ZNF485: variants seen among roughly 807,000 people sequenced by gnomAD.
The protein encoded by ZNF485 is Zinc finger protein 93 (Zinc finger protein HTF34).
Under a neutral mutation model 10.8 loss-of-function variants are expected in ZNF485, and 9 were observed. The ratio of observed to expected loss-of-function variants is 0.83; its 90% CI spans 0.50 to 1.45. ZNF485 has a LOEUF of 1.45. ZNF485 is among the 40% of genes most tolerant of loss of function. ZNF485 has a pLI of 0.00. For synonymous variants in ZNF485, 187 were observed against 181.0 expected (o/e 1.03, Z -0.27); for missense variants, 487 against 528.0 (o/e 0.92, Z 0.76).
intron 3 of ZNF485, 96 bp downstream of exon 3, chr10:43,608,836 T>C: frequency 6.7e-7 from 1 of 1,496,846 alleles, no homozygotes; most frequent in South Asian, 1.3e-5. Flanking sequence ...AAATCTTAAA[T>C]GATGTGCTTT....
intron 4 of ZNF485, among the ~76,000 whole-genome samples, chr10:43,615,381 T>C (rs999835251): frequency 2.6e-5 from 4 of 152,024 alleles, no homozygotes; most frequent in African/African-American, 9.7e-5. Context: ...AAAATTCACA[T>C]AGTACACCCA....
chr10:43,615,975 T>C (rs1466936695), intron 4 of ZNF485, among the ~76,000 whole-genome samples: 1 of 152,230 alleles, frequency 6.6e-6, no homozygotes, highest in East Asian at 1.9e-4. Flanking sequence ...ATTTTGTATT[T>C]ATTCTCACAT....
chr10:43,607,184 C>A, intron 2 of ZNF485, 110 bp downstream of exon 2: 6 of 1,344,322 alleles, frequency 4.5e-6, no homozygotes, highest in Non-Finnish European at 6.2e-6. Flanking sequence ...GCTACCCGAA[C>A]CAATCCTGGA....
At chr10:43,608,335 G>T (rs1838694483) in intron 2 of ZNF485, among the ~76,000 whole-genome samples, 1 of 152,204 alleles carries the variant, frequency 6.6e-6, no homozygotes, top group Non-Finnish European at 1.5e-5. Context: ...AGACTGAGTG[G>T]CAGAGGATGG....
intron 4 of ZNF485, among the ~76,000 whole-genome samples, chr10:43,615,478 T>A (rs1306103609): frequency 6.6e-6 from 1 of 152,146 alleles, no homozygotes; most frequent in East Asian, 1.9e-4. Flanking sequence ...CTCAGCTCAC[T>A]GCAACTTCTG....
intron 4 of ZNF485, among the ~76,000 whole-genome samples, chr10:43,609,823 C>T (rs546255469): frequency 2.2e-4 from 34 of 152,226 alleles, no homozygotes; most frequent in African/African-American, 7.0e-4. Context: ...GGACTACAGG[C>T]GTCCACCACA....
At chr10:43,611,916 AT>A (rs1160926371) in intron 4 of ZNF485, among the ~76,000 whole-genome samples, 2 of 152,006 alleles carry the variant, frequency 1.3e-5, no homozygotes, top group African/African-American at 2.4e-5. Flanking sequence ...TATATCACAG[AT>A]TTTTTTTAAA....
Position 43,616,972 on chromosome 10 carries a change from G to A in ZNF485, c.929G>A (p.Ser310Asn). The A allele has an allele frequency of 6.2e-7, 1 of 1,614,130 alleles. No individual in the cohort carries two copies. Among genetic ancestry groups the A allele is most frequent in the East Asian group, 2.2e-5 (1 of 44,886 alleles). The change falls in exon 5 of 5, where the codon AGC (serine) becomes AAC (asparagine). Residue 310 changes from serine to asparagine, a missense_variant. Coordinates refer to ENST00000361807, the MANE Select transcript of ZNF485 (RefSeq NM_145312.4). Reference protein sequence around the residue: ...CNECGKAFRKSSTLISHQRMH... With the variant: ...CNECGKAFRKNSTLISHQRMH... ...GAATGTGGAAAAGCCTTTAGGAAGA[G>A]CTCAACTCTTATTAGTCACCAAAGA...
chr10:43,609,608 A>AT (rs1321362641), intron 4 of ZNF485, among the ~76,000 whole-genome samples: 1 of 151,466 alleles, frequency 6.6e-6, no homozygotes, highest in Non-Finnish European at 1.5e-5. Flanking sequence ...TCTTTATGTG[A>AT]TTTTTCTCTC....
chr10:43,611,293 C>T (rs923611786), intron 4 of ZNF485, among the ~76,000 whole-genome samples: 16 of 151,968 alleles, frequency 1.1e-4, no homozygotes, highest in African/African-American at 3.6e-4. Context: ...GTCTGGAACT[C>T]GTGGCCTCAA....
In ZNF485 at chr10:43,616,450, G is replaced by A. The variant is rs1031342013; in HGVS notation, c.407G>A (p.Gly136Glu). Residue 136 changes from glycine (G) to glutamate (E), a missense_variant, in exon 5 of 5, where the codon GGG (glycine) becomes GAG (glutamate). Coordinates refer to ENST00000361807, the MANE Select transcript of ZNF485 (RefSeq NM_145312.4). ...TEKNYKCKEC[G>E]KVFKYNSSFI... ...AAGAACTATAAGTGCAAGGAATGTG[G>A]GAAAGTCTTCAAATACAATTCGTCC... is the stretch of plus-strand genomic sequence containing the variant. 1.9e-6 allele frequency: 3 copies of A among 1,614,076 alleles called. No individual in the cohort carries two copies. Among genetic ancestry groups the A allele is most frequent in the Non-Finnish European group, 2.5e-6 (3 of 1,179,998 alleles).
At chr10:43,614,280 A>G (rs994050353) in intron 4 of ZNF485, among the ~76,000 whole-genome samples, 34 of 151,760 alleles carry the variant, frequency 2.2e-4, no homozygotes, top group African/African-American at 7.3e-4. Context: ...TTGGGTAACT[A>G]TTTGAAGAGC....
intron 1 of ZNF485, 64 bp from the exon 2 acceptor site, chr10:43,606,919 GGGACCTGGTCTAGA>G: frequency 8.7e-7 from 1 of 1,143,128 alleles, no homozygotes; most frequent in East Asian, 2.6e-5. Context: ...CGGGCGGGCG[GGGACCTGGTCTAGA>G]GGGCAGATTC....
chr10:43,617,611 A>C lies in ZNF485; in HGVS notation c.*242A>C. 1 of 359,738 alleles carries C rather than the reference A, an allele frequency of 2.8e-6. No homozygotes were observed. 22.3% of individuals were successfully genotyped at this position (359,738 alleles called of 1,614,324 possible). Reference sequence around the variant, plus strand: ...GAGGTGGAGCTGTAAATACTGTACAAAGCCAGGCATGGTGGCATATGCCTG... The same window carrying C: ...GAGGTGGAGCTGTAAATACTGTACACAGCCAGGCATGGTGGCATATGCCTG... On this transcript the variant is annotated 3_prime_UTR_variant, in exon 5 of 5. Coordinates refer to ENST00000361807, the MANE Select transcript of ZNF485 (RefSeq NM_145312.4).
chr10:43,613,691 G>A (rs1020677120), intron 4 of ZNF485, among the ~76,000 whole-genome samples: 14 of 152,232 alleles, frequency 9.2e-5, no homozygotes, highest in African/African-American at 3.4e-4. Context: ...TGGTTCCTAC[G>A]TGGCTACATT....
At position 43,609,955 on chromosome 10, in the gene ZNF485, G is replaced by C. The variant is rs1056569581; in HGVS notation, c.247+605G>C. On this transcript the variant is annotated intron_variant, in intron 4 of 4. Transcript: ENST00000361807. ...TCCACCTTGGCCTCTCAAAGTGCTG[G>C]GATTACAGGTGTGAGCCACCACGTC... Among the ~76,000 whole-genome samples, 15 of 152,234 alleles carry C rather than the reference G, an allele frequency of 9.9e-5. No individual in the cohort carries two copies. The East Asian group carries it at 2.9e-3, about 29-fold the overall frequency.
At chr10:43,609,129 T>C in intron 3 of ZNF485, 126 bp from the exon 4 acceptor site, 1 of 741,280 alleles carries the variant, frequency 1.3e-6, no homozygotes, top group Non-Finnish European at 2.3e-6. Flanking sequence ...GACCTGTCCA[T>C]GCTCATTGCA....
At position 43,616,571 on chromosome 10, in the gene ZNF485, C is replaced by T. The variant is rs758104275; in HGVS notation, c.528C>T (p.His176=). ...TGAACAGTTCATCCCTTTTAAATCA[C>T]CATAAGGTTCATGCAGGCAAACAGC... ...AFMNSSSLLN[H]HKVHAGKQPY... is the part of the protein sequence containing the mutation. Residue 176 remains histidine, a synonymous_variant, in exon 5 of 5, where the codon CAC becomes CAT. Transcript: ENST00000361807. The T allele has an allele frequency of 6.2e-7, 1 of 1,614,162 alleles. No homozygotes were observed. The highest frequency in any genetic ancestry group is 8.5e-7 in the Non-Finnish European group (1 of 1,180,030).
At chr10:43,608,536 T>G (rs1020103076) in intron 2 of ZNF485, 78 bp from the exon 3 acceptor site, 2 of 1,526,068 alleles carry the variant, frequency 1.3e-6, no homozygotes, top group African/African-American at 2.8e-5. Context: ...GAAGCTGGCT[T>G]TGACCACCTT....
Sources: allele counts gnomAD v4.1 joint callset (sites outside exome capture counted in the v4.1 genomes callset), GRCh38; gene constraint gnomAD v4.1.1; transcripts MANE v1.5; gene names NCBI Gene and HGNC (gene_info 2026-07-23, HGNC 2026-07-21).